The following CLUAP1 variants were observed in gnomAD, a reference collection of about 807,000 sequenced individuals.
CLUAP1 encodes the protein clusterin-associated protein 1.
Under a neutral mutation model 55.0 loss-of-function variants are expected in CLUAP1, and 50 were observed. That is an observed-to-expected ratio of 0.91 (90% CI 0.72 to 1.15). The LOEUF is 1.15. Among genes scored for constraint, CLUAP1 ranks in the 50% most tolerant of loss-of-function variants. The pLI is 0.00. For missense variants in CLUAP1, 530 were observed against 507.6 expected (o/e 1.04, Z -0.42); for synonymous variants, 195 against 175.4 (o/e 1.11, Z -0.88).
At position 3,529,667 on chromosome 16, in the gene CLUAP1, T is replaced by TTATATAA. The variant is rs1476055529; in HGVS notation, c.929-898_929-897insATAATAT. 3.5e-3 allele frequency among the ~76,000 whole-genome samples: 42 copies of TTATATAA among 12,164 alleles called. 3 individuals carry two copies. The African/African-American group carries it at 0.037, about 11-fold the overall frequency. The allele number at this position is 12,164 out of a possible 152,430, so 8.0% of individuals were successfully genotyped here. ...ATTATATATTATTATATATTATATA[T>TTATATAA]TATTATATATTATATATTATTATAT... On this transcript the variant is annotated intron_variant, in intron 9 of 11. Coordinates refer to ENST00000576634, the MANE Select transcript of CLUAP1 (RefSeq NM_015041.3).
intron 7 of CLUAP1, 109 bp downstream of exon 7, chr16:3,520,145 G>A (rs2037806387): frequency 8.7e-7 from 1 of 1,152,540 alleles, no homozygotes; most frequent in Non-Finnish European, 1.2e-6. Context: ...AGCTGGGGCG[G>A]GGGGTTCTCT....
intron 4 of CLUAP1, among the ~76,000 whole-genome samples, chr16:3,510,556 A>G (rs1472789603): frequency 1.3e-5 from 2 of 152,202 alleles, no homozygotes; most frequent in Admixed American, 6.5e-5. Context: ...GTCAGGTGCT[A>G]CAGGCCGGGT....
intron 6 of CLUAP1, among the ~76,000 whole-genome samples, chr16:3,518,515 GTGGATCTTTCT>G (rs2037771828): frequency 6.6e-6 from 1 of 152,198 alleles, no homozygotes; most frequent in Non-Finnish European, 1.5e-5. Flanking sequence ...GTTTTGCATT[GTGGATCTTTCT>G]TGTTTGAGGA....
In CLUAP1 at chr16:3,530,634, G is replaced by A. The variant is rs374419869; in HGVS notation, c.995G>A (p.Arg332Gln). Residue 332 changes from arginine (R) to glutamine (Q), a missense_variant, in exon 10 of 12, where the codon CGG becomes CAG. Physicochemically the swap from Arg to Gln is conservative, Grantham distance 43. Coordinates refer to ENST00000576634, the MANE Select transcript of CLUAP1 (RefSeq NM_015041.3). The part of the protein sequence containing the change: ...DESDSELEER[R>Q]LPKPQTAMEM... Reference sequence around the variant, plus strand: ...TCCGACAGTGAGTTGGAAGAAAGGCGGCTGCCCAAGCCACAGACAGCCATG... The same window carrying A: ...TCCGACAGTGAGTTGGAAGAAAGGCAGCTGCCCAAGCCACAGACAGCCATG... The A allele has an allele frequency of 4.9e-5, 79 of 1,613,642 alleles. No homozygotes were observed. Among genetic ancestry groups the A allele is most frequent in the Non-Finnish European group, 6.2e-5 (73 of 1,179,972 alleles).
chr16:3,513,451 T>A (rs939912571), intron 5 of CLUAP1, among the ~76,000 whole-genome samples: 7 of 152,150 alleles, frequency 4.6e-5, no homozygotes, highest in African/African-American at 9.7e-5. Flanking sequence ...TTTATTTTTT[T>A]AATTTTGTTA....
chr16:3,514,495 C>T (rs1032952998), intron 5 of CLUAP1, among the ~76,000 whole-genome samples: 1 of 152,116 alleles, frequency 6.6e-6, no homozygotes, highest in South Asian at 2.1e-4. Flanking sequence ...CCAGGTGCAC[C>T]GTGGATGAAA....
upstream of CLUAP1, chr16:3,500,925 G>A: frequency 3.4e-6 from 3 of 871,190 alleles, no homozygotes; most frequent in Non-Finnish European, 5.3e-6. Flanking sequence ...ACGTGCCGCC[G>A]CGTCTTCGCT....
intron 6 of CLUAP1, among the ~76,000 whole-genome samples, chr16:3,517,827 A>T (rs983641357): frequency 2.0e-5 from 3 of 152,216 alleles, no homozygotes; most frequent in Non-Finnish European, 4.4e-5. Flanking sequence ...GGCATTCTAC[A>T]GATTAACCAG....
At chr16:3,509,517 G>A (rs369416409) in intron 4 of CLUAP1, among the ~76,000 whole-genome samples, 5 of 152,234 alleles carry the variant, frequency 3.3e-5, no homozygotes, top group East Asian at 1.9e-4. Context: ...AGGGGTGACC[G>A]TGGCTTTGAG....
intron 11 of CLUAP1, chr16:3,534,743 A>G (rs2038198124): frequency 6.6e-6 from 1 of 152,312 alleles, no homozygotes; most frequent in Non-Finnish European, 1.5e-5. Flanking sequence ...AGCAGAAAGC[A>G]GAGTTTCATT....
chr16:3,496,851 CTGATT>C (rs2037318176), upstream of CLUAP1: 3 of 272,024 alleles, frequency 1.1e-5, no homozygotes, highest in Admixed American at 8.8e-5. Flanking sequence ...CACAGACGAC[CTGATT>C]TTTCTTTTTT....
At chr16:3,496,261 C>A, upstream of CLUAP1, 1 of 711,454 alleles carries the variant, frequency 1.4e-6, no homozygotes, top group Non-Finnish European at 2.5e-6. Context: ...GCCCAAGAGC[C>A]AGGATATCTA....
chr16:3,526,568 T>TA (rs916764738), intron 9 of CLUAP1, 84 bp downstream of exon 9: 9 of 734,022 alleles, frequency 1.2e-5, no homozygotes, highest in East Asian at 1.2e-4. Flanking sequence ...TATATATATA[T>TA]TTTTTAATAT....
Position 3,536,338 on chromosome 16 carries a change from G to C in CLUAP1, c.*67G>C. 1 of 1,548,476 alleles carries C rather than the reference G, an allele frequency of 6.5e-7. No individual in the cohort carries two copies. Among genetic ancestry groups the C allele is most frequent in the Non-Finnish European group, 8.8e-7 (1 of 1,137,084 alleles). ...TTGTAGGTAAATGGGAACTTAGAAG[G>C]TTAGGAAGGTAACCCCTGTTTTGTT... On this transcript the variant is annotated 3_prime_UTR_variant, in exon 12 of 12. Coordinates refer to ENST00000576634, the MANE Select transcript of CLUAP1 (RefSeq NM_015041.3).
In CLUAP1 at chr16:3,527,475, G is replaced by A. The variant is rs1008531556; in HGVS notation, c.928+991G>A. ...GAAGCCGCCCGTTGCCAAGTGGACC[G>A]TGGTCTAGTGGTAGCGTCAGTGTCA... On this transcript the variant is annotated intron_variant, in intron 9 of 11. Coordinates refer to ENST00000576634, the MANE Select transcript of CLUAP1 (RefSeq NM_015041.3). 2.0e-5 allele frequency among the ~76,000 whole-genome samples: 3 copies of A among 152,086 alleles called. No homozygotes were observed. The East Asian group carries it at 5.8e-4, about 29-fold the overall frequency.
chr16:3,507,399 A>G (rs919753165), intron 3 of CLUAP1, among the ~76,000 whole-genome samples: 1 of 151,566 alleles, frequency 6.6e-6, no homozygotes, highest in Non-Finnish European at 1.5e-5. Flanking sequence ...CAAAAAATAA[A>G]TTTAAAAAAA....
At chr16:3,495,478 T>C in the CLUAP1 span, 14 of 1,587,848 alleles carry the variant, frequency 8.8e-6, no homozygotes, top group South Asian at 1.5e-4. Context: ...AGGGCCCTGC[T>C]CTCCCCTGCC....
chr16:3,523,833 G>A (rs1384563230), intron 8 of CLUAP1, among the ~76,000 whole-genome samples: 2 of 152,038 alleles, frequency 1.3e-5, no homozygotes, highest in East Asian at 1.9e-4. Context: ...GGGTGTGGTC[G>A]TACACACCTG....
intron 7 of CLUAP1, among the ~76,000 whole-genome samples, chr16:3,521,803 C>G (rs2037841314): frequency 6.6e-6 from 1 of 151,710 alleles, no homozygotes; most frequent in South Asian, 2.1e-4. Flanking sequence ...GTCTATAATC[C>G]CAGCACTTTG....
Sources: allele counts gnomAD v4.1 joint callset (sites outside exome capture counted in the v4.1 genomes callset), GRCh38; gene constraint gnomAD v4.1.1; transcripts MANE v1.5; gene names NCBI Gene and HGNC (gene_info 2026-07-23, HGNC 2026-07-21).